Variants in WASHC2C observed in about 807,000 individuals in gnomAD.
WASHC2C encodes Vaccinia Penetration Factor.
In WASHC2C, 73 loss-of-function variants were observed where a neutral mutation model predicts 142.2. That is an observed-to-expected ratio of 0.51 (90% CI 0.43 to 0.62). The LOEUF is 0.62. Ranked by LOEUF, WASHC2C falls within the 20% of genes least tolerant of loss-of-function variation. WASHC2C has a pLI of 0.00. For synonymous variants in WASHC2C, 337 were observed against 565.5 expected (o/e 0.60, Z 5.73); for missense variants, 969 against 1,531.7 (o/e 0.63, Z 6.13).
At chr10:45,731,838 A>T (rs1554862513) in intron 3 of WASHC2C, among the ~76,000 whole-genome samples, 1 of 119,166 alleles carries the variant, frequency 8.4e-6, no homozygotes, top group Non-Finnish European at 1.6e-5. Flanking sequence ...TCTGTCGCCC[A>T]GGCTGGAGTG....
Position 45,765,850 on chromosome 10 carries a change from A to T in WASHC2C, c.1869+40A>T, listed in dbSNP as rs557187850. 2.4e-5 allele frequency: 38 copies of T among 1,611,484 alleles called. No homozygotes were observed. The East Asian group carries it at 8.2e-4, about 35-fold the overall frequency. ...CTGCTAAAAAAGAGGGGATTATTTC[A>T]TGGGATTTAAGAGTTAAAGCCATCC... On this transcript the variant is annotated intron_variant, in intron 19 of 30. Coordinates refer to ENST00000623400, the MANE Select transcript of WASHC2C (RefSeq NM_001330074.2).
chr10:45,784,319 C>CACAT (rs2057863472), intron 23 of WASHC2C, among the ~76,000 whole-genome samples: 1 of 95,166 alleles, frequency 1.1e-5, no homozygotes, highest in African/African-American at 4.5e-5. Flanking sequence ...TATACACACA[C>CACAT]ATATATATAT....
intron 3 of WASHC2C, among the ~76,000 whole-genome samples, chr10:45,736,780 G>A (rs534873361): frequency 1.3e-5 from 2 of 152,030 alleles, no homozygotes; most frequent in East Asian, 3.9e-4. Context: ...TTTTCCATGT[G>A]CCTTTATATT....
chr10:45,743,496 A>G lies in WASHC2C; in HGVS notation c.622+13A>G, dbSNP rs188816008. The G allele has an allele frequency of 1.9e-5, 30 of 1,610,698 alleles. No homozygotes were observed. The African/African-American group carries it at 2.9e-4, about 16-fold the overall frequency. ...CTGTCCAGTGAAGGTACTTTTCTTC[A>G]CCAAATAATTTTATTCCTTAACATT... On this transcript the variant is annotated intron_variant, in intron 6 of 30. Coordinates refer to ENST00000623400, the MANE Select transcript of WASHC2C (RefSeq NM_001330074.2).
chr10:45,747,806 T>C (rs1554871868), intron 8 of WASHC2C, among the ~76,000 whole-genome samples: 1 of 151,144 alleles, frequency 6.6e-6, no homozygotes, highest in African/African-American at 2.5e-5. Context: ...TTTCCCAGGC[T>C]GGTCTTGAGC....
At chr10:45,767,002 C>T (rs1287846968) in intron 19 of WASHC2C, among the ~76,000 whole-genome samples, 1 of 152,082 alleles carries the variant, frequency 6.6e-6, no homozygotes, top group African/African-American at 2.4e-5. Flanking sequence ...CGTGGTAGCT[C>T]ACGTCTGTAA....
At chr10:45,751,931 C>T (rs577032800) in intron 11 of WASHC2C, among the ~76,000 whole-genome samples, 19 of 152,250 alleles carry the variant, frequency 1.2e-4, no homozygotes, top group Admixed American at 3.9e-4. Context: ...GAGCCTTGAT[C>T]GCGCCACTGC....
At position 45,759,482 on chromosome 10, in the gene WASHC2C, A is replaced by G. The variant is rs1190610414; in HGVS notation, c.1635+81A>G. On this transcript the variant is annotated intron_variant, in intron 17 of 30. Coordinates refer to ENST00000623400, the MANE Select transcript of WASHC2C (RefSeq NM_001330074.2). ...CTATTTTTGAATCAGGTTTTTCTCAATAGAGTTATAAGACTTTTTGTTAAG... is the reference window on the plus strand; with the variant it reads ...CTATTTTTGAATCAGGTTTTTCTCAGTAGAGTTATAAGACTTTTTGTTAAG... 92 of 1,292,758 alleles carry G rather than the reference A, an allele frequency of 7.1e-5. 1 individual carries two copies. The highest frequency in any genetic ancestry group is 2.8e-4 in the Middle Eastern group (1 of 3,546). The allele number at this position is 1,292,758 out of a possible 1,614,324, so 80.1% of individuals were successfully genotyped here. A position where few individuals can be genotyped will look rare whatever the true frequency, so the allele number is the denominator to read the frequency against.
At chr10:45,737,886 C>T (rs1279010864) in intron 3 of WASHC2C, 97 bp from the exon 4 acceptor site, 13 of 1,610,842 alleles carry the variant, frequency 8.1e-6, no homozygotes, top group Admixed American at 5.0e-5. Flanking sequence ...CATTTCCTTC[C>T]GCATCTTTGT....
intron 23 of WASHC2C, among the ~76,000 whole-genome samples, chr10:45,784,277 T>TAC (rs1564820016): frequency 8.7e-4 from 7 of 8,052 alleles, no homozygotes; most frequent in African/African-American, 1.5e-3. Context: ...TATATATATA[T>TAC]ATATATATAT....
chr10:45,734,047 C>G (rs1206222383), intron 3 of WASHC2C, among the ~76,000 whole-genome samples: 2 of 151,916 alleles, frequency 1.3e-5, no homozygotes, highest in Non-Finnish European at 2.9e-5. Flanking sequence ...CACGGTGAAG[C>G]TCCATCTTTA....
At chr10:45,759,918 C>T (rs1361218152) in intron 17 of WASHC2C, among the ~76,000 whole-genome samples, 5 of 150,468 alleles carry the variant, frequency 3.3e-5, no homozygotes, top group East Asian at 4.0e-4. Context: ...ACTGTATTTA[C>T]ATTTCCTGGG....
chr10:45,765,879 G>C, intron 19 of WASHC2C, 69 bp downstream of exon 19: 1 of 1,594,134 alleles, frequency 6.3e-7, no homozygotes, highest in Non-Finnish European at 8.5e-7. Flanking sequence ...GCCATCCCAA[G>C]TCTTTTTCTA....
intron 13 of WASHC2C, 106 bp from the exon 14 acceptor site, chr10:45,754,380 A>T: frequency 6.3e-7 from 1 of 1,576,868 alleles, no homozygotes; most frequent in Non-Finnish European, 8.6e-7. Context: ...GTAGTTTCAA[A>T]AGGTCTGGTA....
intron 5 of WASHC2C, among the ~76,000 whole-genome samples, chr10:45,742,025 C>T (rs1320381078): frequency 6.6e-6 from 1 of 151,356 alleles, no homozygotes; most frequent in Non-Finnish European, 1.5e-5. Context: ...GAACTCCTGA[C>T]CTCAAGTGAT....
intron 19 of WASHC2C, among the ~76,000 whole-genome samples, chr10:45,766,365 A>C (rs1248853328): frequency 0.041 from 4,745 of 116,218 alleles, no homozygotes; most frequent in Middle Eastern, 0.097. Context: ...GCATCTTTAC[A>C]AATAAGGAGG....
At chr10:45,762,635 G>T (rs1427758608) in intron 17 of WASHC2C, among the ~76,000 whole-genome samples, 1 of 152,232 alleles carries the variant, frequency 6.6e-6, no homozygotes, top group Non-Finnish European at 1.5e-5. Flanking sequence ...GCCGGGTGTG[G>T]TGGCTCAAGC....
chr10:45,768,611 T>C (rs2338447), intron 19 of WASHC2C, among the ~76,000 whole-genome samples: 4 of 152,156 alleles, frequency 2.6e-5, no homozygotes, highest in Admixed American at 6.5e-5. Flanking sequence ...TGAGCATAGT[T>C]GAGTAGAATT....
chr10:45,755,096 C>T lies in WASHC2C; in HGVS notation c.1401C>T (p.His467=). ...DDDDDFFSAP[H]SKPSKTRKVQ... ...ATGACGACTTTTTCTCGGCACCCCA[C>T]AGCAAACCTTCTAAAACACGTATGT... is the stretch of plus-strand genomic sequence containing the variant. Residue 467 remains histidine (H), a synonymous_variant, in exon 15 of 31, where the codon CAC becomes CAT. Coordinates refer to ENST00000623400, the MANE Select transcript of WASHC2C (RefSeq NM_001330074.2). 1.2e-6 allele frequency: 2 copies of T among 1,610,050 alleles called. No homozygotes were observed. The highest frequency in any genetic ancestry group is 2.2e-5 in the South Asian group (2 of 90,824).
Sources: allele counts gnomAD v4.1 joint callset (sites outside exome capture counted in the v4.1 genomes callset), GRCh38; gene constraint gnomAD v4.1.1; transcripts MANE v1.5; gene names NCBI Gene and HGNC (gene_info 2026-07-23, HGNC 2026-07-21).